KLF17: variants seen among roughly 807,000 people sequenced by gnomAD.
KLF17 encodes Krueppel-like factor 17.
A neutral mutation model predicts 34.2 loss-of-function variants in KLF17; 31 were observed. The ratio of observed to expected loss-of-function variants is 0.91; its 90% confidence interval spans 0.68 to 1.22. The LOEUF (loss-of-function observed/expected upper bound fraction) is 1.22, where lower values mean the gene tolerates loss of function less well. Ranked by LOEUF, KLF17 falls within the 50% of genes most tolerant of loss-of-function variation. The probability of loss-of-function intolerance (pLI) is 0.00; values close to 1 mark genes in which losing one functional copy is unlikely to be tolerated. For synonymous variants in KLF17, 179 were observed against 186.7 expected (o/e 0.96, Z 0.34); for missense variants, 478 against 505.2 (o/e 0.95, Z 0.52).
chr1:44,073,999 C>T, the KLF17 span, among the ~76,000 whole-genome samples: 13 of 152,136 alleles, frequency 8.5e-5, no homozygotes, highest in African/African-American at 1.2e-4. Context: ...GTTCCTGGCA[C>T]GCAGTAGCTG....
At chr1:44,094,994 A>G in the KLF17 span, among the ~76,000 whole-genome samples, 1 of 148,422 alleles carries the variant, frequency 6.7e-6, no homozygotes, top group Admixed American at 6.8e-5. Flanking sequence ...TCTGCCTCCC[A>G]GGTTCACGCC....
At chr1:44,063,507 G>A in the KLF17 span, among the ~76,000 whole-genome samples, 1 of 152,168 alleles carries the variant, frequency 6.6e-6, no homozygotes, top group Admixed American at 6.6e-5. Flanking sequence ...AAGGAAAGAA[G>A]CAAGCTGCTT....
the KLF17 span, among the ~76,000 whole-genome samples, chr1:44,100,293 G>A: frequency 6.8e-6 from 1 of 147,940 alleles, no homozygotes; most frequent in African/African-American, 2.5e-5. Context: ...AGAAAGAAAT[G>A]ACACTGGTGA....
the KLF17 span, chr1:44,051,304 C>G: frequency 1.3e-5 from 2 of 152,272 alleles, no homozygotes; most frequent in Admixed American, 1.3e-4. Context: ...TACAGCCAAG[C>G]AGACAGGCAA....
chr1:44,117,875 T>A (rs1200411366), upstream of KLF17, among the ~76,000 whole-genome samples: 1 of 152,184 alleles, frequency 6.6e-6, no homozygotes, highest in Non-Finnish European at 1.5e-5. Context: ...TGGTTTATTT[T>A]AAAAACATAT....
the KLF17 span, chr1:44,105,227 G>C: frequency 6.6e-5 from 10 of 152,398 alleles, no homozygotes; most frequent in South Asian, 2.1e-3. Flanking sequence ...TCTAGAGATA[G>C]AATGGGGTGT....
chr1:44,049,923 T>A, the KLF17 span, among the ~76,000 whole-genome samples: 1 of 152,234 alleles, frequency 6.6e-6, no homozygotes, highest in Non-Finnish European at 1.5e-5. Flanking sequence ...ATAATGTGTA[T>A]CTTTTGGAGT....
chr1:44,120,104 G>A (rs1446640258), intron 1 of KLF17, among the ~76,000 whole-genome samples: 1 of 152,232 alleles, frequency 6.6e-6, no homozygotes. Flanking sequence ...ACAATTGGGT[G>A]ACAATAGTGA....
the KLF17 span, chr1:44,106,708 T>C: frequency 6.6e-6 from 1 of 152,246 alleles, no homozygotes; most frequent in East Asian, 1.9e-4. Context: ...AAAAAGGAGA[T>C]AGGGCTCTCC....
chr1:44,049,798 A>G, the KLF17 span, among the ~76,000 whole-genome samples: 1 of 152,182 alleles, frequency 6.6e-6, no homozygotes, highest in African/African-American at 2.4e-5. Flanking sequence ...ATTGTTTTCA[A>G]TCTATAAGGT....
At chr1:44,099,133 G>C in the KLF17 span, among the ~76,000 whole-genome samples, 1 of 152,122 alleles carries the variant, frequency 6.6e-6, no homozygotes, top group Non-Finnish European at 1.5e-5. Context: ...GCCAGACAAG[G>C]TGGCTCATAC....
At chr1:44,123,310 C>T (rs1408550758) in intron 1 of KLF17, among the ~76,000 whole-genome samples, 1 of 152,176 alleles carries the variant, frequency 6.6e-6, no homozygotes, top group African/African-American at 2.4e-5. Context: ...GATCCACCTG[C>T]TTCGTAGTCT....
rs1470294732 is a variant in KLF17 at position 44,129,612 on chromosome 1, G to A, written c.341G>A (p.Cys114Tyr). Residue 114 changes from cysteine (C) to tyrosine (Y), a missense_variant, in exon 2 of 4, where the codon TGT (cysteine) becomes TAT (tyrosine). By Grantham distance (194) the Cys-to-Tyr change is radical (BLOSUM62 -2). Coordinates refer to ENST00000372299, the MANE Select transcript of KLF17 (RefSeq NM_173484.4). The part of the protein sequence containing the change: ...ATLTPSRMIY[C>Y]QRMSPPQQEM... Reference sequence around the variant, plus strand: ...CTCACTCCTTCCCGGATGATTTACTGTCAGAGAATGTCTCCCCCTCAGCAA... The same window carrying A: ...CTCACTCCTTCCCGGATGATTTACTATCAGAGAATGTCTCCCCCTCAGCAA... The A allele has an allele frequency of 1.2e-6, 2 of 1,614,170 alleles. No homozygotes were observed. Among genetic ancestry groups the A allele is most frequent in the Non-Finnish European group, 1.7e-6 (2 of 1,180,030 alleles).
chr1:44,122,647 T>C (rs1172731777), intron 1 of KLF17: 2 of 605,056 alleles, frequency 3.3e-6, no homozygotes, highest in Non-Finnish European at 6.0e-6. Context: ...CAGGCTGGAG[T>C]GCAGTGGCAC....
chr1:44,104,711 A>C, the KLF17 span: 1 of 355,622 alleles, frequency 2.8e-6, no homozygotes, highest in Non-Finnish European at 5.3e-6. Context: ...GCGGCATAGC[A>C]GCATTTTTAC....
At chr1:44,095,486 A>G in the KLF17 span, among the ~76,000 whole-genome samples, 1 of 152,096 alleles carries the variant, frequency 6.6e-6, no homozygotes, top group South Asian at 2.1e-4. Context: ...AAGTGCTGGG[A>G]TTACAGACAT....
At chr1:44,122,575 C>T (rs1363360649) in intron 1 of KLF17, 9 of 752,952 alleles carry the variant, frequency 1.2e-5, no homozygotes, top group Non-Finnish European at 1.9e-5. Flanking sequence ...GAATACTGAC[C>T]GACTGCAGTA....
the KLF17 span, chr1:44,069,968 A>G: frequency 6.6e-6 from 1 of 151,988 alleles, no homozygotes; most frequent in Non-Finnish European, 1.5e-5. This position sits in a 1 kb window ranked among gnomAD's most constrained non-coding sequence, Gnocchi z 4.7. Flanking sequence ...GCCCATGGGT[A>G]GGGGAGGGCG....
the KLF17 span, among the ~76,000 whole-genome samples, chr1:44,065,160 C>T: frequency 4.6e-5 from 7 of 151,694 alleles, no homozygotes; most frequent in East Asian, 2.0e-4. Flanking sequence ...TGGTAGCGCA[C>T]GCCTGTAATC....
Sources: gnomAD v4.1 joint callset for allele counts (sites outside exome capture counted in the v4.1 genomes callset) on GRCh38, gnomAD v4.1.1 for gene constraint, Gnocchi (gnomAD v3.1) non-coding constraint, MANE v1.5 for transcripts, NCBI Gene and HGNC (gene_info 2026-07-23, HGNC 2026-07-21) for gene names.